The following MMP12 variants were observed in gnomAD, a reference collection of about 807,000 sequenced individuals.
MMP12 encodes the protein matrix metallopeptidase 12.
MMP12 carries 51 observed loss-of-function variants against 45.2 expected under a neutral mutation model. The observed-to-expected ratio is 1.13, with a 90% CI of 0.90 to 1.42. MMP12 has a LOEUF of 1.42. MMP12 is among the 40% of genes most tolerant of loss of function. The pLI is 0.00. For missense variants in MMP12, 530 were observed against 570.8 expected, an observed-to-expected ratio of 0.93 and a Z score of 0.73; for synonymous variants, 210 against 193.3, an observed-to-expected ratio of 1.09 and a Z score of -0.72.
Position 102,867,889 on chromosome 11 carries a change from G to T in MMP12, c.787+19C>A, listed in dbSNP as rs1432219791. On this transcript the variant is annotated intron_variant, in intron 5 of 9. Coordinates refer to ENST00000571244, the MANE Select transcript of MMP12 (RefSeq NM_002426.6). ...AGCGAGTATCTTTATATGGCAAAAT[G>T]ATAAAGAATTCAACTCACCATACAG... 6.9e-6 allele frequency: 11 copies of T among 1,598,442 alleles called. No homozygotes were observed. The highest frequency in any genetic ancestry group is 9.4e-6 in the Non-Finnish European group (11 of 1,171,460).
chr11:102,865,092 G>T lies in MMP12; in HGVS notation c.1205+684C>A, dbSNP rs1424487404. On this transcript the variant is annotated intron_variant, in intron 8 of 9. Coordinates refer to ENST00000571244, the MANE Select transcript of MMP12 (RefSeq NM_002426.6). This position sits in a 1 kb window ranked among gnomAD's most constrained non-coding sequence, Gnocchi z 4.1. ...GCTGGTGGACAAATTCAAGTCATAA[G>T]CATCCGGTATTCAATTGGAATTAGA... Among the ~76,000 whole-genome samples the T allele has an allele frequency of 6.6e-6, 1 of 152,114 alleles. No homozygotes were observed. Among genetic ancestry groups the T allele is most frequent in the Non-Finnish European group, 1.5e-5 (1 of 68,004 alleles).
Position 102,862,976 on chromosome 11 carries a change from G to A in MMP12, c.*124C>T. 1.8e-6 allele frequency: 1 copy of A among 542,468 alleles called. No individual in the cohort carries two copies. The highest frequency in any genetic ancestry group is 3.2e-6 in the Non-Finnish European group (1 of 314,706). 33.6% of individuals were successfully genotyped at this position (542,468 alleles called of 1,614,324 possible). ...TGTATTTTATATAATCATTACCTAT[G>A]GTTTACAGATTTTATTTTTATGATA... On this transcript the variant is annotated 3_prime_UTR_variant, in exon 10 of 10. Coordinates refer to ENST00000571244, the MANE Select transcript of MMP12 (RefSeq NM_002426.6).
chr11:102,867,501 A>C (rs754453294), intron 5 of MMP12, 108 bp from the exon 6 acceptor site: 39 of 1,119,136 alleles, frequency 3.5e-5, no homozygotes, highest in Non-Finnish European at 4.3e-5. Flanking sequence ...ATTGCATCAA[A>C]ATCATTTTAA....
At position 102,871,646 on chromosome 11, in the gene MMP12, A is replaced by G. The variant is rs1555009349; in HGVS notation, c.573T>C (p.Ile191=). 1.3e-6 allele frequency: 2 copies of G among 1,581,270 alleles called. No homozygotes were observed. Among genetic ancestry groups the G allele is most frequent in the Non-Finnish European group, 1.7e-6 (2 of 1,162,206 alleles). The change falls in exon 4 of 10, where the codon ATT becomes ATC. Residue 191 remains isoleucine, a synonymous_variant. Transcript: ENST00000571244. The stretch of plus-strand genomic sequence containing the variant: ...CCTCATCGAAATGTGCATCCCCTCC[A>G]ATGCCAGATCCAGGTCCAAAAGCAT... ...LAHAFGPGSG[I]GGDAHFDEDE... is the part of the protein sequence containing the mutation.
Position 102,871,708 on chromosome 11 carries a change from A to G in MMP12, c.511T>C (p.Phe171Leu). ...VVFARGAHGD[F>L]HAFDGKGGIL... The stretch of plus-strand genomic sequence containing the variant: ...CCACCTTTGCCATCAAAAGCATGGA[A>G]GTCTCCATGAGCTTTTGGAAAAGGA... The change falls in exon 4 of 10, where the codon TTC becomes CTC. Residue 171 changes from phenylalanine (F) to leucine (L), a missense_variant. Coordinates refer to ENST00000571244, the MANE Select transcript of MMP12 (RefSeq NM_002426.6). 6.2e-7 allele frequency: 1 copy of G among 1,610,890 alleles called. No individual in the cohort carries two copies. The highest frequency in any genetic ancestry group is 8.5e-7 in the Non-Finnish European group (1 of 1,178,408).
intron 4 of MMP12, among the ~76,000 whole-genome samples, chr11:102,869,748 C>T (rs1393654480): frequency 8.7e-6 from 1 of 115,190 alleles, no homozygotes; most frequent in Non-Finnish European, 1.9e-5. Flanking sequence ...CCGTCTCTGC[C>T]AAAAAAAAAA....
intron 4 of MMP12, among the ~76,000 whole-genome samples, chr11:102,870,484 T>C (rs1376175548): frequency 6.6e-6 from 1 of 152,252 alleles, no homozygotes; most frequent in Admixed American, 6.5e-5. Flanking sequence ...TTGTGCAATA[T>C]CAGCTAGAGA....
In MMP12 at chr11:102,871,814, A is replaced by G; in HGVS notation, c.489T>C (p.Phe163=). Residue 163 remains phenylalanine (F), a synonymous_variant, in exon 3 of 10, where the codon TTT becomes TTC. Transcript: ENST00000571244. ...ATACAAGTTCCCTACCTCCACGGGC[A>G]AAAACCACCAAAATGTCAGCCATGC... is the stretch of plus-strand genomic sequence containing the variant. ...NTGMADILVV[F]ARGAHGDFHA... 2 of 1,613,290 alleles carry G rather than the reference A, an allele frequency of 1.2e-6. No homozygotes were observed. The highest frequency in any genetic ancestry group is 1.7e-6 in the Non-Finnish European group (2 of 1,179,528).
intron 5 of MMP12, 127 bp from the exon 6 acceptor site, chr11:102,867,520 T>TAACATTCAC: frequency 1.0e-6 from 1 of 988,168 alleles, no homozygotes; most frequent in Non-Finnish European, 1.4e-6. Context: ...AAGCTTTCTA[T>TAACATTCAC]AACATTCACA....
chr11:102,871,484 T>C (rs1859493966), intron 4 of MMP12, 110 bp downstream of exon 4: 8 of 1,313,042 alleles, frequency 6.1e-6, no homozygotes, highest in Middle Eastern at 3.8e-4. Context: ...TATAATCATT[T>C]GTCAGAATGT....
chr11:102,865,979 G>A lies in MMP12; in HGVS notation c.1046-44C>T. 1.4e-6 allele frequency: 2 copies of A among 1,416,204 alleles called. No individual in the cohort carries two copies. Among genetic ancestry groups the A allele is most frequent in the Non-Finnish European group, 1.9e-6 (2 of 1,028,944 alleles). The allele number at this position is 1,416,204 out of a possible 1,614,324, so 87.7% of individuals were successfully genotyped here. ...AGGGTAAATTTGAATTATACAGGAA[G>A]AGTAATAAGAAAATATTGATTTACT... On this transcript the variant is annotated intron_variant, in intron 7 of 9. Coordinates refer to ENST00000571244, the MANE Select transcript of MMP12 (RefSeq NM_002426.6). The surrounding 1 kb of genome is among the most constrained non-coding windows in gnomAD (Gnocchi z 4.1).
In MMP12 at chr11:102,873,180, A is replaced by G. The variant is rs1859533887; in HGVS notation, c.103-68T>C. The G allele has an allele frequency of 5.1e-6, 7 of 1,368,072 alleles. No individual in the cohort carries two copies. The Admixed American group carries it at 1.2e-4, about 23-fold the overall frequency. 84.7% of individuals were successfully genotyped at this position (1,368,072 alleles called of 1,614,324 possible). On this transcript the variant is annotated intron_variant, in intron 1 of 9. Coordinates refer to ENST00000571244, the MANE Select transcript of MMP12 (RefSeq NM_002426.6). ...AAAATTTCTGTTGGGAGCTCCACAT[A>G]TATGACTCAATTGCACACTGATGCT...
At chr11:102,867,800 G>A (rs1455243192) in intron 5 of MMP12, 108 bp downstream of exon 5, 38 of 1,183,146 alleles carry the variant, frequency 3.2e-5, no homozygotes, top group African/African-American at 7.7e-5. Flanking sequence ...GTTCTTATGC[G>A]GCTTAAAAAA....
At chr11:102,868,311 T>C in intron 4 of MMP12, among the ~76,000 whole-genome samples, 1 of 152,212 alleles carries the variant, frequency 6.6e-6, no homozygotes, top group East Asian at 1.9e-4. Flanking sequence ...GCAAATCCTT[T>C]TTAGTTTTGA....
chr11:102,867,485 A>AT, intron 5 of MMP12, 92 bp from the exon 6 acceptor site: 1 of 1,207,602 alleles, frequency 8.3e-7, no homozygotes. Flanking sequence ...AATTTTCTTA[A>AT]TGAACATTGC....
At position 102,874,730 on chromosome 11, in the gene MMP12, T is replaced by C. The variant is rs1270402338; in HGVS notation, c.102+106A>G. Reference sequence around the variant, plus strand: ...GCCTCCTAGACCAATTTTCAGCTGATACGTAAAAGCAAACAAACAAACAAA... The same window carrying C: ...GCCTCCTAGACCAATTTTCAGCTGACACGTAAAAGCAAACAAACAAACAAA... On this transcript the variant is annotated intron_variant, in intron 1 of 9. Coordinates refer to ENST00000571244, the MANE Select transcript of MMP12 (RefSeq NM_002426.6). 1.8e-5 allele frequency: 13 copies of C among 724,922 alleles called. No individual in the cohort carries two copies. In the Admixed American group the frequency reaches 2.2e-4, roughly 12 times the overall value. The allele number at this position is 724,922 out of a possible 1,614,324, so 44.9% of individuals were successfully genotyped here.
At position 102,867,892 on chromosome 11, in the gene MMP12, A is replaced by G; in HGVS notation, c.787+16T>C. 1.9e-6 allele frequency: 3 copies of G among 1,600,426 alleles called. No homozygotes were observed. In the East Asian group the frequency reaches 6.7e-5, roughly 36 times the overall value. ...GAGTATCTTTATATGGCAAAATGAT[A>G]AAGAATTCAACTCACCATACAGGGA... On this transcript the variant is annotated intron_variant, in intron 5 of 9. Transcript: ENST00000571244.
At chr11:102,866,711 C>G (rs781789059) in intron 6 of MMP12, among the ~76,000 whole-genome samples, 8 of 152,078 alleles carry the variant, frequency 5.3e-5, no homozygotes, top group Non-Finnish European at 1.2e-4. Context: ...CTGGTTCGAC[C>G]CTACAATTCA....
chr11:102,873,102 T>C lies in MMP12; in HGVS notation c.113A>G (p.Glu38Gly), dbSNP rs200208956. ...NNVLFGERYL[E>G]KFYGLEINKL... is the part of the protein sequence containing the mutation. The stretch of plus-strand genomic sequence containing the variant: ...GTTTATCTCAAGGCCATAAAATTTT[T>C]CTAAGTATCTCTGGAAAAAAAAATA... Residue 38 changes from glutamate (E) to glycine (G), a missense_variant, in exon 2 of 10, where the codon GAA becomes GGA. Physicochemically the swap from Glu to Gly is moderately conservative, Grantham distance 98. Transcript: ENST00000571244. 78 of 1,611,542 alleles carry C rather than the reference T, an allele frequency of 4.8e-5. No homozygotes were observed. In the South Asian group the frequency reaches 8.2e-4, roughly 17 times the overall value.
Sources: allele counts gnomAD v4.1 joint callset (sites outside exome capture counted in the v4.1 genomes callset), GRCh38; gene constraint gnomAD v4.1.1; non-coding constraint Gnocchi (gnomAD v3.1); transcripts MANE v1.5; gene names NCBI Gene and HGNC (gene_info 2026-07-23, HGNC 2026-07-21).